The following GRID2 variants were observed in gnomAD, a reference collection of about 807,000 sequenced individuals.
GRID2 encodes the protein glutamate receptor ionotropic, delta-2.
Under a neutral mutation model 114.8 loss-of-function variants are expected in GRID2, and 33 were observed. The ratio of observed to expected loss-of-function variants is 0.29; its 90% confidence interval spans 0.22 to 0.38. GRID2 has a LOEUF of 0.38. Ranked by LOEUF, GRID2 falls within the 10% of genes least tolerant of loss-of-function variation. GRID2 has a pLI of 1.00. For synonymous variants in GRID2, 505 were observed against 449.9 expected, an observed-to-expected ratio of 1.12 and a Z score of -1.55; for missense variants, 1,184 against 1,257.7, an observed-to-expected ratio of 0.94 and a Z score of 0.89.
intron 5 of GRID2, among the ~76,000 whole-genome samples, chr4:93,212,458 A>C (rs190193513): frequency 4.3e-4 from 66 of 152,292 alleles, no homozygotes; most frequent in African/African-American, 1.5e-3. Context: ...CCCCGCAATC[A>C]GTGGATCCAG....
chr4:93,016,636 A>G (rs527546807), intron 2 of GRID2, among the ~76,000 whole-genome samples: 25 of 152,302 alleles, frequency 1.6e-4, no homozygotes, highest in Middle Eastern at 3.4e-3. Context: ...GAGCAAGGGA[A>G]AGAATCTAAC....
chr4:92,487,416 T>TGG (rs1288460797), intron 1 of GRID2, among the ~76,000 whole-genome samples: 1 of 152,018 alleles, frequency 6.6e-6, no homozygotes, highest in Non-Finnish European at 1.5e-5. Context: ...GAAAAATGAA[T>TGG]ACTACTACTA....
At chr4:93,132,145 C>T (rs544389576) in intron 4 of GRID2, among the ~76,000 whole-genome samples, 7 of 152,048 alleles carry the variant, frequency 4.6e-5, no homozygotes, top group East Asian at 1.9e-4. Flanking sequence ...CAGTATAGGC[C>T]GGGATGTTGC....
At chr4:92,819,069 C>T (rs187329105) in intron 2 of GRID2, among the ~76,000 whole-genome samples, 1 of 152,030 alleles carries the variant, frequency 6.6e-6, no homozygotes, top group Non-Finnish European at 1.5e-5. Context: ...TGTCCTACAC[C>T]AAAGCCCTTG....
chr4:92,699,555 A>G (rs1003288892), intron 2 of GRID2, among the ~76,000 whole-genome samples: 4 of 152,228 alleles, frequency 2.6e-5, no homozygotes, highest in Non-Finnish European at 5.9e-5. Context: ...ATCACTGACC[A>G]CAATTTTTTA....
intron 1 of GRID2, among the ~76,000 whole-genome samples, chr4:92,310,756 T>C (rs1049398496): frequency 2.6e-5 from 4 of 152,030 alleles, no homozygotes; most frequent in Non-Finnish European, 5.9e-5. Context: ...TCATTTAATC[T>C]CTAAGATTAT....
At chr4:92,942,198 G>A (rs572349512) in intron 2 of GRID2, among the ~76,000 whole-genome samples, 88 of 152,228 alleles carry the variant, frequency 5.8e-4, no homozygotes, top group Non-Finnish European at 1.0e-3. Flanking sequence ...TATTGTGTTG[G>A]AGTCTAAGTC....
chr4:92,444,168 A>G (rs561376629), intron 1 of GRID2, among the ~76,000 whole-genome samples: 1 of 152,330 alleles, frequency 6.6e-6, no homozygotes, highest in South Asian at 2.1e-4. Flanking sequence ...TGATCTCCCA[A>G]GGGAGGTCCC....
At chr4:92,874,158 G>C (rs887625026) in intron 2 of GRID2, among the ~76,000 whole-genome samples, 1 of 152,104 alleles carries the variant, frequency 6.6e-6, no homozygotes, top group African/African-American at 2.4e-5. Flanking sequence ...CAGATTTTCT[G>C]CTGCACATAT....
At chr4:93,244,135 T>C (rs1219021343) in intron 8 of GRID2, among the ~76,000 whole-genome samples, 1 of 152,084 alleles carries the variant, frequency 6.6e-6, no homozygotes, top group African/African-American at 2.4e-5. Flanking sequence ...AGTTTGCCAG[T>C]GCTGCTCACA....
At chr4:92,862,690 A>T (rs983132468) in intron 2 of GRID2, among the ~76,000 whole-genome samples, 1 of 152,098 alleles carries the variant, frequency 6.6e-6, no homozygotes, top group African/African-American at 2.4e-5. Flanking sequence ...GCTTGATAAA[A>T]TGTCTCTTAG....
chr4:93,751,886 A>C (rs72659522), intron 14 of GRID2, among the ~76,000 whole-genome samples: 2,551 of 151,676 alleles, frequency 0.017, 34 homozygotes, highest in Non-Finnish European at 0.025. Flanking sequence ...GCTTTCCACA[A>C]CTGCCTGCTT....
At chr4:92,402,380 A>G (rs1009511150) in intron 1 of GRID2, among the ~76,000 whole-genome samples, 1 of 152,154 alleles carries the variant, frequency 6.6e-6, no homozygotes, top group African/African-American at 2.4e-5. Context: ...GCCCAAATCC[A>G]TCAGAGGAAC....
At chr4:92,940,417 T>C (rs926189610) in intron 2 of GRID2, among the ~76,000 whole-genome samples, 7 of 149,834 alleles carry the variant, frequency 4.7e-5, no homozygotes, top group African/African-American at 7.3e-5. Context: ...ACATTGAGTT[T>C]GTATCCTGAG....
intron 1 of GRID2, among the ~76,000 whole-genome samples, chr4:92,387,448 C>G (rs2110252797): frequency 6.6e-6 from 1 of 152,024 alleles, no homozygotes. Flanking sequence ...TTTATAAGCC[C>G]TGATTTTGCT....
intron 8 of GRID2, among the ~76,000 whole-genome samples, chr4:93,326,128 G>T (rs557218029): frequency 6.6e-6 from 1 of 152,092 alleles, no homozygotes; most frequent in African/African-American, 2.4e-5. Context: ...GAGGAAATAG[G>T]AAATACTTTG....
intron 13 of GRID2, among the ~76,000 whole-genome samples, chr4:93,554,875 G>T (rs1241433797): frequency 6.6e-6 from 1 of 152,146 alleles, no homozygotes; most frequent in African/African-American, 2.4e-5. Flanking sequence ...AATGCAGAAG[G>T]CGGGTGACTT....
chr4:93,488,265 T>C (rs1391385188), intron 11 of GRID2, among the ~76,000 whole-genome samples: 1 of 151,970 alleles, frequency 6.6e-6, no homozygotes, highest in Non-Finnish European at 1.5e-5. Context: ...GCTTTTACCT[T>C]TCAAAAGCTG....
At chr4:93,315,258 G>A (rs1181272248) in intron 8 of GRID2, among the ~76,000 whole-genome samples, 1 of 152,042 alleles carries the variant, frequency 6.6e-6, no homozygotes, top group African/African-American at 2.4e-5. Flanking sequence ...TGGATTACAG[G>A]TCCCTCGCTT....
Sources: allele counts gnomAD v4.1 joint callset (sites outside exome capture counted in the v4.1 genomes callset), GRCh38; gene constraint gnomAD v4.1.1; transcripts MANE v1.5; gene names NCBI Gene and HGNC (gene_info 2026-07-23, HGNC 2026-07-21).